The following DMD variants were observed in gnomAD, a reference collection of about 807,000 sequenced individuals.
DMD encodes the protein dystrophin.
Under a neutral mutation model 330.1 loss-of-function variants are expected in DMD, and 63 were observed. The ratio of observed to expected loss-of-function variants is 0.19; its 90% CI spans 0.16 to 0.24. DMD has a LOEUF of 0.24. DMD is among the 10% of genes least tolerant of loss of function. The pLI is 1.00. For missense variants in DMD, 3,344 were observed against 2,684.1 expected, an observed-to-expected ratio of 1.25 and a Z score of -5.43; for synonymous variants, 1,223 against 959.8, an observed-to-expected ratio of 1.27 and a Z score of -5.07.
intron 55 of DMD, among the ~76,000 whole-genome samples, chrX:31,611,584 T>A (rs1238878507): frequency 8.9e-6 from 1 of 111,879 alleles, no homozygotes; most frequent in Non-Finnish European, 1.9e-5. Flanking sequence ...ATCATTTTAA[T>A]CATTTCTTTT....
At chrX:32,930,046 G>T (rs192090829) in intron 2 of DMD, among the ~76,000 whole-genome samples, 162 of 111,480 alleles carry the variant, frequency 1.5e-3, no homozygotes, top group African/African-American at 5.0e-3. Flanking sequence ...AAATGCATTT[G>T]ATACACCTAA....
At chrX:32,388,329 A>G (rs2097974327) in intron 32 of DMD, among the ~76,000 whole-genome samples, 1 of 65,632 alleles carries the variant, frequency 1.5e-5, no homozygotes, top group African/African-American at 7.9e-5. Flanking sequence ...CACTTGGGTC[A>G]TTTATGCTTT....
At chrX:31,748,083 G>A (rs56678497) in intron 51 of DMD, among the ~76,000 whole-genome samples, 11,249 of 111,233 alleles carry the variant, frequency 0.1, 474 homozygotes, top group Non-Finnish European at 0.13. Context: ...CCAATATCCA[G>A]TATCTCAATG....
chrX:32,298,998 T>C (rs1158590873), intron 42 of DMD, among the ~76,000 whole-genome samples: 1 of 111,150 alleles, frequency 9.0e-6, no homozygotes, highest in Admixed American at 9.6e-5. Flanking sequence ...TATATACACC[T>C]TCCAGAAAAC....
intron 60 of DMD, among the ~76,000 whole-genome samples, chrX:31,408,679 G>A (rs1389288187): frequency 5.5e-5 from 6 of 109,658 alleles, no homozygotes; most frequent in Non-Finnish European, 7.6e-5. Flanking sequence ...GATTACAGGC[G>A]TGAGCCACTG....
chrX:32,079,420 C>T (rs1455839005), intron 44 of DMD, among the ~76,000 whole-genome samples: 1 of 110,554 alleles, frequency 9.0e-6, no homozygotes, highest in Non-Finnish European at 1.9e-5. Flanking sequence ...CATGGTCAAA[C>T]CCCATCTCTA....
chrX:32,071,220 G>A (rs1023600802), intron 44 of DMD, among the ~76,000 whole-genome samples: 4 of 110,111 alleles, frequency 3.6e-5, no homozygotes, highest in Non-Finnish European at 7.6e-5. Context: ...TCTAGTTCTA[G>A]ATGCCTGAGG....
chrX:33,047,508 T>A (rs1024111427), intron 1 of DMD, among the ~76,000 whole-genome samples: 11 of 111,165 alleles, frequency 9.9e-5, no homozygotes, highest in East Asian at 5.6e-4. Flanking sequence ...GATTTTTTTT[T>A]AAAAAAGCTT....
intron 44 of DMD, among the ~76,000 whole-genome samples, chrX:32,116,516 T>G (rs2096611450): frequency 8.9e-6 from 1 of 112,202 alleles, no homozygotes; most frequent in Admixed American, 9.4e-5. Context: ...GTGGAATAAA[T>G]GAACACATTG....
intron 44 of DMD, among the ~76,000 whole-genome samples, chrX:32,200,454 C>CACATGTAAT (rs1557207817): frequency 1.8e-5 from 2 of 110,885 alleles, no homozygotes; most frequent in Admixed American, 9.5e-5. Context: ...ACACATGTAA[C>CACATGTAAT]AATACATATG....
chrX:31,204,699 C>T (rs1029238220), intron 66 of DMD, among the ~76,000 whole-genome samples: 5 of 111,919 alleles, frequency 4.5e-5, no homozygotes, highest in African/African-American at 9.7e-5. Context: ...CTCTGCTCAC[C>T]GCAACCTCTG....
intron 1 of DMD, among the ~76,000 whole-genome samples, chrX:33,288,032 G>A (rs2053459478): frequency 9.0e-6 from 1 of 111,577 alleles, no homozygotes; most frequent in African/African-American, 3.3e-5. Context: ...CCAGCCTTCT[G>A]GAAAGCTGGC....
At chrX:32,617,634 C>A (rs1306131039) in intron 11 of DMD, among the ~76,000 whole-genome samples, 2 of 111,494 alleles carry the variant, frequency 1.8e-5, no homozygotes, top group Non-Finnish European at 3.8e-5. Flanking sequence ...AGAGGACAAG[C>A]TTCATCACAA....
At chrX:33,058,933 T>A (rs1227140645) in intron 1 of DMD, among the ~76,000 whole-genome samples, 1 of 111,995 alleles carries the variant, frequency 8.9e-6, no homozygotes, top group East Asian at 2.8e-4. Context: ...GTCTTTTTAT[T>A]GATATGTATG....
chrX:33,302,992 T>G (rs1422281902), intron 1 of DMD, among the ~76,000 whole-genome samples: 1 of 112,145 alleles, frequency 8.9e-6, no homozygotes, highest in Non-Finnish European at 1.9e-5. Flanking sequence ...TAGTTTTTGC[T>G]TTCCCAGAAT....
chrX:32,411,722 G>T, intron 30 of DMD, 30 bp downstream of exon 30: 2 of 1,206,268 alleles, frequency 1.7e-6, no homozygotes, highest in Non-Finnish European at 1.1e-6. Context: ...AAAAACAAAA[G>T]AATGGAAGCT....
chrX:33,316,014 A>AACT (rs959885670), intron 1 of DMD, among the ~76,000 whole-genome samples: 7 of 110,935 alleles, frequency 6.3e-5, no homozygotes, highest in African/African-American at 2.3e-4. Flanking sequence ...ACCTCTTGAA[A>AACT]ACTACCCTTT....
At chrX:32,662,426 T>C (rs1365938819) in intron 9 of DMD, among the ~76,000 whole-genome samples, 2 of 112,046 alleles carry the variant, frequency 1.8e-5, no homozygotes, top group Non-Finnish European at 3.8e-5. Context: ...TAGAATTTCC[T>C]GATTTAGAAA....
intron 30 of DMD, among the ~76,000 whole-genome samples, chrX:32,402,221 T>A (rs931723943): frequency 1.1e-4 from 12 of 111,678 alleles, no homozygotes; most frequent in African/African-American, 3.9e-4. Context: ...CATTTCACCC[T>A]TTGCTATGCA....
Sources: gnomAD v4.1 joint callset for allele counts (sites outside exome capture counted in the v4.1 genomes callset) on GRCh38, gnomAD v4.1.1 for gene constraint, MANE v1.5 for transcripts, NCBI Gene and HGNC (gene_info 2026-07-23, HGNC 2026-07-21) for gene names.